Variants in BBS9 observed in about 807,000 individuals in gnomAD.
BBS9 encodes protein PTHB1.
BBS9 carries 89 observed loss-of-function variants against 117.7 expected under a neutral mutation model. The observed-to-expected ratio is 0.76, with a 90% CI of 0.64 to 0.90. The LOEUF is 0.90. Ranked by LOEUF, BBS9 falls within the 40% of genes least tolerant of loss-of-function variation. The pLI is 0.00. For synonymous variants in BBS9, 379 were observed against 370.9 expected (o/e 1.02, Z -0.25); for missense variants, 982 against 1,042.2 (o/e 0.94, Z 0.80).
intron 19 of BBS9, among the ~76,000 whole-genome samples, chr7:33,397,951 C>T (rs1016403727): frequency 3.3e-5 from 5 of 151,826 alleles, no homozygotes; most frequent in African/African-American, 1.2e-4. Flanking sequence ...ACCTGCACAT[C>T]CTGCACATGT....
At chr7:33,587,821 T>G (rs1585376834) in intron 21 of BBS9, among the ~76,000 whole-genome samples, 1 of 152,132 alleles carries the variant, frequency 6.6e-6, no homozygotes, top group East Asian at 1.9e-4. Flanking sequence ...TTTGAAATGT[T>G]TATGTTACCA....
chr7:33,196,312 C>CT (rs1784929134), intron 5 of BBS9, among the ~76,000 whole-genome samples: 1 of 152,082 alleles, frequency 6.6e-6, no homozygotes, highest in Non-Finnish European at 1.5e-5. Flanking sequence ...GAACTGGAGC[C>CT]TTTTTCTTAT....
chr7:33,286,448 CTT>C, intron 9 of BBS9, among the ~76,000 whole-genome samples: 1 of 152,242 alleles, frequency 6.6e-6, no homozygotes, highest in East Asian at 1.9e-4. Flanking sequence ...AGGTTAGTGA[CTT>C]TGCCGTTCAT....
chr7:33,464,464 G>A (rs1584920916), intron 19 of BBS9, among the ~76,000 whole-genome samples: 2 of 152,156 alleles, frequency 1.3e-5, no homozygotes, highest in East Asian at 3.9e-4. Flanking sequence ...TTACAATTAT[G>A]TAAAGACTTT....
At chr7:33,203,241 ACT>A (rs1786230761) in intron 5 of BBS9, among the ~76,000 whole-genome samples, 1 of 152,028 alleles carries the variant, frequency 6.6e-6, no homozygotes, top group South Asian at 2.1e-4. Context: ...AAGAGACAAA[ACT>A]CTACAATAGT....
At chr7:33,179,803 C>T (rs1036637034) in intron 5 of BBS9, among the ~76,000 whole-genome samples, 14 of 152,236 alleles carry the variant, frequency 9.2e-5, no homozygotes, top group Non-Finnish European at 1.8e-4. Context: ...AGGTTGGGGA[C>T]CACTATTATA....
intron 9 of BBS9, among the ~76,000 whole-genome samples, chr7:33,280,905 GTTTTTGTTTTT>G (rs1214964546): frequency 1.2e-4 from 6 of 48,772 alleles, no homozygotes; most frequent in Non-Finnish European, 1.9e-4. Flanking sequence ...TTAATTTGTC[GTTTTTGTTTTT>G]TTTTTTTTTT....
intron 9 of BBS9, among the ~76,000 whole-genome samples, chr7:33,299,097 G>GT (rs1805851538): frequency 6.6e-6 from 1 of 152,150 alleles, no homozygotes; most frequent in Non-Finnish European, 1.5e-5. Context: ...AGCTGCAGTT[G>GT]TTTTCCAAAG....
intron 21 of BBS9, among the ~76,000 whole-genome samples, chr7:33,629,097 C>G (rs1256122370): frequency 6.6e-6 from 1 of 152,174 alleles, no homozygotes; most frequent in Non-Finnish European, 1.5e-5. Context: ...TTATCCAAGT[C>G]CTTATTGAGT....
chr7:33,350,590 A>C (rs1250746327), intron 13 of BBS9, among the ~76,000 whole-genome samples: 1 of 152,064 alleles, frequency 6.6e-6, no homozygotes, highest in East Asian at 1.9e-4. Flanking sequence ...TTTTCCTCCC[A>C]AATTCTCTTG....
chr7:33,251,747 A>G (rs959433466), intron 5 of BBS9, among the ~76,000 whole-genome samples: 1 of 152,238 alleles, frequency 6.6e-6, no homozygotes, highest in East Asian at 1.9e-4. Context: ...TTACTGAAGT[A>G]GTTACTCCAT....
chr7:33,304,506 C>G (rs566888853), intron 9 of BBS9, among the ~76,000 whole-genome samples: 1 of 151,608 alleles, frequency 6.6e-6, no homozygotes, highest in East Asian at 2.0e-4. Flanking sequence ...TGGCCACCAC[C>G]CCGTCTGGGA....
intron 5 of BBS9, among the ~76,000 whole-genome samples, chr7:33,230,118 T>C (rs557189594): frequency 5.3e-5 from 8 of 152,310 alleles, no homozygotes; most frequent in Middle Eastern, 3.4e-3. Context: ...TTTGATACTA[T>C]TGAATTGTAT....
At chr7:33,457,880 G>A (rs535738741) in intron 19 of BBS9, among the ~76,000 whole-genome samples, 3 of 152,088 alleles carry the variant, frequency 2.0e-5, no homozygotes, top group Non-Finnish European at 4.4e-5. Flanking sequence ...TCACCCTATC[G>A]TTTGCCAAAT....
At chr7:33,235,405 G>A (rs1229760328) in intron 5 of BBS9, among the ~76,000 whole-genome samples, 1 of 152,034 alleles carries the variant, frequency 6.6e-6, no homozygotes, top group Non-Finnish European at 1.5e-5. Flanking sequence ...CTACTTTTAA[G>A]CAATGAGAAT....
chr7:33,217,562 A>T (rs933480961), intron 5 of BBS9, among the ~76,000 whole-genome samples: 1 of 152,260 alleles, frequency 6.6e-6, no homozygotes, highest in African/African-American at 2.4e-5. Flanking sequence ...TAATGTTCAT[A>T]ATACAAATAC....
chr7:33,583,163 G>A (rs537775423), intron 21 of BBS9, among the ~76,000 whole-genome samples: 1 of 152,206 alleles, frequency 6.6e-6, no homozygotes, highest in East Asian at 1.9e-4. Context: ...TAATATGAAA[G>A]CATTTAGCAC....
At chr7:33,147,043 A>G (rs938300077) in intron 2 of BBS9, among the ~76,000 whole-genome samples, 1 of 152,160 alleles carries the variant, frequency 6.6e-6, no homozygotes, top group Non-Finnish European at 1.5e-5. Flanking sequence ...GGACCTGGAA[A>G]CCATTCATAC....
At chr7:33,601,578 A>G (rs1028422853) in intron 21 of BBS9, among the ~76,000 whole-genome samples, 1 of 152,068 alleles carries the variant, frequency 6.6e-6, no homozygotes, top group Non-Finnish European at 1.5e-5. Context: ...GCAGATGTCA[A>G]TTTAGTAGAT....
Sources: gnomAD v4.1 joint callset for allele counts (sites outside exome capture counted in the v4.1 genomes callset) on GRCh38, gnomAD v4.1.1 for gene constraint, MANE v1.5 for transcripts, NCBI Gene and HGNC (gene_info 2026-07-23, HGNC 2026-07-21) for gene names.